ANKRD18A: variants seen among roughly 807,000 people sequenced by gnomAD.
ANKRD18A encodes the protein ankyrin repeat domain 18A.
ANKRD18A carries 72 observed loss-of-function variants against 110.6 expected under a neutral mutation model. That is an observed-to-expected ratio of 0.65 (90% CI 0.54 to 0.79). The LOEUF (loss-of-function observed/expected upper bound fraction) is 0.79, where lower values mean the gene tolerates loss of function less well. Among genes scored for constraint, ANKRD18A ranks in the 30% least tolerant of loss-of-function variants. The probability of loss-of-function intolerance (pLI) is 0.00; values close to 1 mark genes in which losing one functional copy is unlikely to be tolerated. For synonymous variants in ANKRD18A, 305 were observed against 410.3 expected (o/e 0.74, Z 3.10); for missense variants, 934 against 1,163.3 (o/e 0.80, Z 2.87).
chr9:38,588,104 A>C (rs1297652855), intron 11 of ANKRD18A, among the ~76,000 whole-genome samples: 1 of 152,136 alleles, frequency 6.6e-6, no homozygotes, highest in Non-Finnish European at 1.5e-5. Flanking sequence ...TAAATAAATA[A>C]ATAAATAAAA....
In ANKRD18A at chr9:38,593,117, T is replaced by C. The variant is rs574638508; in HGVS notation, c.2004+643A>G. On this transcript the variant is annotated intron_variant, in intron 10 of 15. Transcript: ENST00000399703. ...TGAATTATCTCTCAGTGAAACTGTT[T>C]TTAAAATCCCATGGTAGGATCCAGA... Among the ~76,000 whole-genome samples, 446 of 152,354 alleles carry C rather than the reference T, an allele frequency of 2.9e-3. 1 individual carries two copies. The highest frequency in any genetic ancestry group is 4.8e-3 in the Non-Finnish European group (329 of 68,032).
At chr9:38,566,726 C>T (rs1320713667), downstream of ANKRD18A, 1 of 152,302 alleles carries the variant, frequency 6.6e-6, no homozygotes, top group East Asian at 1.9e-4. Context: ...TGGGAGGCCT[C>T]AGAAATCTTT....
At chr9:38,613,076 A>G (rs1335738473) in intron 3 of ANKRD18A, among the ~76,000 whole-genome samples, 1 of 152,144 alleles carries the variant, frequency 6.6e-6, no homozygotes, top group Non-Finnish European at 1.5e-5. Flanking sequence ...AAACCTTGAA[A>G]TCTTTATGAA....
At chr9:38,569,133 G>T (rs1413784737), downstream of ANKRD18A, 2 of 985,300 alleles carry the variant, frequency 2.0e-6, no homozygotes, top group African/African-American at 3.5e-5. Context: ...TAGGGCGGTT[G>T]TCTCTGGACC....
Position 38,595,489 on chromosome 9 carries a change from T to C in ANKRD18A, c.1851A>G (p.Arg617=). Residue 617 remains arginine, a synonymous_variant, in exon 9 of 16, where the codon AGA becomes AGG. Coordinates refer to ENST00000399703, the MANE Select transcript of ANKRD18A (RefSeq NM_147195.4). ...TTATAGTTTTCTTCATACTTACTTC[T>C]CTTTCTGCTTTTTCTTTTTCACACT... ...LLQCEKEKAE[R]EVIVREFQEE... The C allele has an allele frequency of 4.8e-6, 7 of 1,473,488 alleles. No homozygotes were observed. Among genetic ancestry groups the C allele is most frequent in the Non-Finnish European group, 6.3e-6 (7 of 1,114,146 alleles). The allele number at this position is 1,473,488 out of a possible 1,614,324, so 91.3% of individuals were successfully genotyped here.
At chr9:38,603,952 C>G (rs952815179) in intron 6 of ANKRD18A, among the ~76,000 whole-genome samples, 7 of 152,200 alleles carry the variant, frequency 4.6e-5, no homozygotes, top group African/African-American at 1.7e-4. Flanking sequence ...ACTACATTTG[C>G]TTTCCCAGTG....
intron 3 of ANKRD18A, among the ~76,000 whole-genome samples, chr9:38,614,541 C>T (rs944545619): frequency 4.6e-5 from 7 of 152,142 alleles, no homozygotes; most frequent in African/African-American, 1.7e-4. Flanking sequence ...AGACTTTTAA[C>T]AAAATTTCCC....
intron 4 of ANKRD18A, among the ~76,000 whole-genome samples, chr9:38,610,670 A>C (rs1825577116): frequency 6.6e-6 from 1 of 152,208 alleles, no homozygotes; most frequent in South Asian, 2.1e-4. Context: ...GCTAATTTAT[A>C]GTCCTTTGAT....
In ANKRD18A at chr9:38,578,017, C is replaced by T. The variant is rs760831196; in HGVS notation, c.2379G>A (p.Lys793=). The T allele has an allele frequency of 4.2e-5, 65 of 1,555,276 alleles. No homozygotes were observed. The Admixed American group carries it at 1.2e-3, about 29-fold the overall frequency. The part of the protein sequence containing the change: ...NVQEKCEKLE[K]DKKMLEEEVL... ...CTTCTTCTTCCAACATCTTTTTATCCTTCTCAAGTTTTTCACATTTCTCTT... is the reference window on the plus strand; with the variant it reads ...CTTCTTCTTCCAACATCTTTTTATCTTTCTCAAGTTTTTCACATTTCTCTT... Residue 793 remains lysine, a synonymous_variant, in exon 13 of 16, where the codon AAG becomes AAA. Transcript: ENST00000399703.
At chr9:38,584,371 G>C (rs1481407097) in intron 12 of ANKRD18A, among the ~76,000 whole-genome samples, 1 of 152,194 alleles carries the variant, frequency 6.6e-6, no homozygotes, top group Non-Finnish European at 1.5e-5. Context: ...TACAAAGAAG[G>C]TGGGTGGTTC....
At chr9:38,577,424 T>A (rs1009554984) in intron 13 of ANKRD18A, among the ~76,000 whole-genome samples, 160 bp from the exon 14 acceptor site, 5 of 152,182 alleles carry the variant, frequency 3.3e-5, no homozygotes, top group African/African-American at 9.6e-5. Context: ...ACAAAACTAA[T>A]AACTGAATTC....
intron 11 of ANKRD18A, among the ~76,000 whole-genome samples, chr9:38,586,862 C>T (rs1164831015): frequency 6.6e-6 from 1 of 152,064 alleles, no homozygotes; most frequent in Non-Finnish European, 1.5e-5. Context: ...CCACACCTGG[C>T]CTAACCATAC....
intron 10 of ANKRD18A, among the ~76,000 whole-genome samples, chr9:38,590,886 T>A (rs1824615853): frequency 6.6e-6 from 1 of 152,110 alleles, no homozygotes; most frequent in African/African-American, 2.4e-5. Flanking sequence ...TTATTATATG[T>A]TTTACTCCCA....
intron 1 of ANKRD18A, among the ~76,000 whole-genome samples, chr9:38,619,546 G>A (rs1284901344): frequency 6.6e-6 from 1 of 152,188 alleles, no homozygotes; most frequent in East Asian, 1.9e-4. Flanking sequence ...TGGTAAGATA[G>A]ATAGCAAGTG....
At chr9:38,571,256 G>C, downstream of ANKRD18A, 1 of 1,463,020 alleles carries the variant, frequency 6.8e-7, no homozygotes, top group Non-Finnish European at 9.0e-7. Flanking sequence ...AAGTAAAAAA[G>C]TGCTGACAGA....
At chr9:38,603,646 AAG>A (rs546008431) in intron 6 of ANKRD18A, among the ~76,000 whole-genome samples, 1 of 151,870 alleles carries the variant, frequency 6.6e-6, no homozygotes, top group Non-Finnish European at 1.5e-5. Flanking sequence ...GTTCTTGAAA[AAG>A]AGAGAGAGAG....
Position 38,617,917 on chromosome 9 carries a change from T to C in ANKRD18A, c.207-1873A>G, listed in dbSNP as rs531985283. On this transcript the variant is annotated intron_variant, in intron 1 of 15. Transcript: ENST00000399703. ...ACCAATATTTTTGTGATAGTAATAA[T>C]ATTTGCTATTTGTTATTTTGATAAG... Among the ~76,000 whole-genome samples the C allele has an allele frequency of 3.2e-4, 49 of 152,318 alleles. 1 individual carries two copies. In the East Asian group the frequency reaches 9.1e-3, roughly 28 times the overall value.
Position 38,578,025 on chromosome 9 carries a change from G to A in ANKRD18A, c.2371C>T (p.Leu791Phe). 1 of 1,553,692 alleles carries A rather than the reference G, an allele frequency of 6.4e-7. No homozygotes were observed. Among genetic ancestry groups the A allele is most frequent in the South Asian group, 1.2e-5 (1 of 84,438 alleles). Reference protein sequence around the residue: ...MRNVQEKCEKLEKDKKMLEEE... With the variant: ...MRNVQEKCEKFEKDKKMLEEE... The stretch of plus-strand genomic sequence containing the variant: ...TCCAACATCTTTTTATCCTTCTCAA[G>A]TTTTTCACATTTCTCTTGTACATTT... Residue 791 changes from leucine to phenylalanine, a missense_variant, in exon 13 of 16, where the codon CTT (leucine) becomes TTT (phenylalanine). Physicochemically the swap from Leu to Phe is conservative, Grantham distance 22. Around this residue, in one of 4 missense-constraint regions of ANKRD18A, gnomAD observed 223 missense variants for 226.7 expected, o/e 0.98. Coordinates refer to ENST00000399703, the MANE Select transcript of ANKRD18A (RefSeq NM_147195.4).
At chr9:38,612,736 C>G (rs1443172969) in intron 3 of ANKRD18A, among the ~76,000 whole-genome samples, 5 of 152,050 alleles carry the variant, frequency 3.3e-5, no homozygotes, top group Non-Finnish European at 7.4e-5. Context: ...CCAGGATGGT[C>G]TCCATCTCCT....
Sources: allele counts gnomAD v4.1 joint callset (sites outside exome capture counted in the v4.1 genomes callset), GRCh38; gene constraint gnomAD v4.1.1; regional missense constraint gnomAD v4.1.1; transcripts MANE v1.5; gene names NCBI Gene and HGNC (gene_info 2026-07-23, HGNC 2026-07-21).